Variants in FAT4 observed in about 807,000 individuals in gnomAD.
FAT4 encodes FAT atypical cadherin 4, also known as protocadherin Fat 4.
A neutral mutation model predicts 303.9 loss-of-function variants in FAT4; 84 were observed. That is an observed-to-expected ratio of 0.28 (90% CI 0.23 to 0.33). The LOEUF (loss-of-function observed/expected upper bound fraction) is 0.33. Ranked by LOEUF, FAT4 falls within the 10% of genes least tolerant of loss-of-function variation. The pLI is 1.00. For missense variants in FAT4, 6,005 were observed against 6,146.8 expected (o/e 0.98, Z 0.77); for synonymous variants, 2,307 against 2,298.8 (o/e 1.00, Z -0.10).
At position 125,448,782 on chromosome 4, in the gene FAT4, T is replaced by C. The variant is rs1175551498; in HGVS notation, c.7772T>C (p.Ile2591Thr). The C allele has an allele frequency of 6.2e-7, 1 of 1,611,474 alleles. No individual in the cohort carries two copies. The highest frequency in any genetic ancestry group is 8.5e-7 in the Non-Finnish European group (1 of 1,179,882). Reference sequence around the variant, plus strand: ...CCAGTCAGCTCTCTTGTCACCACCATCACAGGATCCTCTTTAAGAGGAGAA... The same window carrying C: ...CCAGTCAGCTCTCTTGTCACCACCACCACAGGATCCTCTTTAAGAGGAGAA... ...NQPVSSLVTT[I>T]TGSSLRGEPM... Residue 2591 changes from isoleucine to threonine, a missense_variant, in exon 10 of 18, where the codon ATC becomes ACC. Transcript: ENST00000394329.
At chr4:125,417,130 G>A (rs1426672678) in intron 7 of FAT4, among the ~76,000 whole-genome samples, 1 of 152,078 alleles carries the variant, frequency 6.6e-6, no homozygotes, top group Non-Finnish European at 1.5e-5. Flanking sequence ...AGGGCTTAAG[G>A]ACATCGCCAC....
In FAT4 at chr4:125,484,419, G is replaced by A. The variant is rs951359747; in HGVS notation, c.12822+2681G>A. On this transcript the variant is annotated intron_variant, in intron 16 of 17. Coordinates refer to ENST00000394329, the MANE Select transcript of FAT4 (RefSeq NM_001291303.3). ...TTTGATGTTCTGTAATAATAGTAAT[G>A]TGATGGACTTTATTTCTACTCTAAA... Among the ~76,000 whole-genome samples, 9 of 152,210 alleles carry A rather than the reference G, an allele frequency of 5.9e-5. No individual in the cohort carries two copies. The South Asian group carries it at 1.7e-3, about 28-fold the overall frequency.
At chr4:125,381,957 A>C (rs1733558907) in intron 2 of FAT4, among the ~76,000 whole-genome samples, 1 of 152,200 alleles carries the variant, frequency 6.6e-6, no homozygotes, top group African/African-American at 2.4e-5. Flanking sequence ...CTAATCCATA[A>C]GAAGCAAATC....
At chr4:125,413,096 A>G (rs1734908475) in intron 5 of FAT4, among the ~76,000 whole-genome samples, 1 of 151,846 alleles carries the variant, frequency 6.6e-6, no homozygotes, top group South Asian at 2.1e-4. Context: ...TTGAGTAAAT[A>G]TATATACACA....
chr4:125,419,381 A>G (rs1735195716), intron 7 of FAT4, among the ~76,000 whole-genome samples: 1 of 152,164 alleles, frequency 6.6e-6, no homozygotes, highest in African/African-American at 2.4e-5. Context: ...CAAATTCATT[A>G]ACAAGGAGAC....
intron 7 of FAT4, among the ~76,000 whole-genome samples, chr4:125,421,193 G>A (rs1724871640): frequency 6.6e-6 from 1 of 152,148 alleles, no homozygotes; most frequent in Admixed American, 6.5e-5. Flanking sequence ...AAAGTGCTAG[G>A]CGTGAGCCAC....
chr4:125,380,487 A>C (rs1733498954), intron 2 of FAT4, among the ~76,000 whole-genome samples: 1 of 152,226 alleles, frequency 6.6e-6, no homozygotes, highest in Non-Finnish European at 1.5e-5. Context: ...TACAATATTA[A>C]AAACCGTCAA....
rs34640347 is a variant in FAT4 at position 125,432,818 on chromosome 4, G to GAT, written c.7019-1412_7019-1411dup. ...AAACACTTAATATAAAATATCTTAT[G>GAT]ATATATATATATATATGGCAACAAT... is the stretch of plus-strand genomic sequence containing the variant. On this transcript the variant is annotated intron_variant, in intron 7 of 17. Transcript: ENST00000394329. Among the ~76,000 whole-genome samples the GAT allele has an allele frequency of 1.9e-3, 291 of 151,630 alleles. 2 individuals carry two copies. Among genetic ancestry groups the GAT allele is most frequent in the Middle Eastern group, 6.8e-3 (2 of 294 alleles).
intron 2 of FAT4, among the ~76,000 whole-genome samples, chr4:125,354,016 G>A (rs188838484): frequency 9.1e-4 from 138 of 151,752 alleles, no homozygotes; most frequent in African/African-American, 3.2e-3. Flanking sequence ...AAAAGTGAGT[G>A]TAATTCATAG....
intron 7 of FAT4, among the ~76,000 whole-genome samples, chr4:125,423,886 G>A (rs1260614572): frequency 2.0e-5 from 3 of 152,182 alleles, no homozygotes; most frequent in Non-Finnish European, 2.9e-5. Flanking sequence ...TCTGCATTTT[G>A]GACTTTCAGG....
chr4:125,334,328 C>T (rs989869046), intron 2 of FAT4, among the ~76,000 whole-genome samples: 6 of 152,148 alleles, frequency 3.9e-5, no homozygotes, highest in African/African-American at 1.4e-4. Context: ...CACATGCCCC[C>T]TCACCTCTTC....
intron 8 of FAT4, among the ~76,000 whole-genome samples, chr4:125,445,615 AC>A (rs1464124703): frequency 1.3e-5 from 2 of 151,994 alleles, no homozygotes; most frequent in Non-Finnish European, 2.9e-5. Flanking sequence ...AGACAACTGT[AC>A]TCTTCAGAAA....
rs1730906787 is a variant in FAT4, at chr4:125,320,783, A to G, written c.4372A>G (p.Thr1458Ala). 6 of 1,614,182 alleles carry G rather than the reference A, an allele frequency of 3.7e-6. No individual in the cohort carries two copies. Among genetic ancestry groups the G allele is most frequent in the Non-Finnish European group, 5.1e-6 (6 of 1,179,982 alleles). Residue 1458 changes from threonine to alanine, a missense_variant, in exon 2 of 18, where the codon ACA becomes GCA. By Grantham distance (58) the Thr-to-Ala change is moderately conservative. Coordinates refer to ENST00000394329, the MANE Select transcript of FAT4 (RefSeq NM_001291303.3). ...AGACATTAATGGTCAACTATCCTACACAATCATTCAACAGATGCCAAGAGG... is the reference window on the plus strand; with the variant it reads ...AGACATTAATGGTCAACTATCCTACGCAATCATTCAACAGATGCCAAGAGG... ...DADINGQLSY[T>A]IIQQMPRGNH... is the part of the protein sequence containing the mutation.
chr4:125,410,314 G>T (rs1450169384), intron 5 of FAT4, among the ~76,000 whole-genome samples: 1 of 152,078 alleles, frequency 6.6e-6, no homozygotes, highest in Non-Finnish European at 1.5e-5. Flanking sequence ...AGAATCTCAA[G>T]AACTGACATC....
intron 3 of FAT4, 82 bp downstream of exon 3, chr4:125,398,997 A>G (rs1288067457): frequency 7.7e-6 from 10 of 1,295,186 alleles, no homozygotes; most frequent in African/African-American, 1.5e-5. Context: ...GACTACTTTT[A>G]TTACCCAATA....
intron 2 of FAT4, among the ~76,000 whole-genome samples, chr4:125,368,541 A>AT (rs11391728): frequency 0.037 from 5,202 of 141,190 alleles, 100 homozygotes; most frequent in East Asian, 0.057. Flanking sequence ...TATATATATA[A>AT]AAATCATATT....
Position 125,318,327 on chromosome 4 carries a change from G to A in FAT4, c.1916G>A (p.Gly639Glu). 6.2e-7 allele frequency: 1 copy of A among 1,614,198 alleles called. No homozygotes were observed. Among genetic ancestry groups the A allele is most frequent in the Non-Finnish European group, 8.5e-7 (1 of 1,180,050 alleles). The change falls in exon 2 of 18, where the codon GGG (glycine) becomes GAG (glutamate). Residue 639 changes from glycine (G) to glutamate (E), a missense_variant. By Grantham distance (98) the Gly-to-Glu change is moderately conservative (BLOSUM62 -2). Coordinates refer to ENST00000394329, the MANE Select transcript of FAT4 (RefSeq NM_001291303.3). ...RRSFRLDPVS[G>E]RLSTISSLDR... ...TCCTTCCGTCTGGATCCTGTGTCTGGGAGGTTGAGTACTATTTCCTCCTTG... is the reference window on the plus strand; with the variant it reads ...TCCTTCCGTCTGGATCCTGTGTCTGAGAGGTTGAGTACTATTTCCTCCTTG...
intron 2 of FAT4, among the ~76,000 whole-genome samples, chr4:125,385,171 G>A (rs942957990): frequency 3.3e-5 from 5 of 151,414 alleles, no homozygotes; most frequent in South Asian, 2.1e-4. Context: ...ACAGGCTCCC[G>A]CCACCACACC....
chr4:125,357,902 C>T (rs567767239), intron 2 of FAT4, among the ~76,000 whole-genome samples: 2 of 152,226 alleles, frequency 1.3e-5, no homozygotes, highest in South Asian at 2.1e-4. Flanking sequence ...CATCCCTTCC[C>T]CTTTACATAT....
Sources: gnomAD v4.1 joint callset for allele counts (sites outside exome capture counted in the v4.1 genomes callset) on GRCh38, gnomAD v4.1.1 for gene constraint, MANE v1.5 for transcripts, NCBI Gene and HGNC (gene_info 2026-07-23, HGNC 2026-07-21) for gene names.